MIPOL1: variants seen among roughly 807,000 people sequenced by gnomAD.
MIPOL1 encodes mirror-image polydactyly gene 1 protein.
Under a neutral mutation model 60.9 loss-of-function variants are expected in MIPOL1, and 57 were observed. That is an observed-to-expected ratio of 0.94 (90% CI 0.76 to 1.17). The LOEUF is 1.17. Ranked by LOEUF, MIPOL1 falls within the 50% of genes most tolerant of loss-of-function variation. MIPOL1 has a pLI of 0.00. For synonymous variants in MIPOL1, 179 were observed against 168.8 expected (o/e 1.06, Z -0.47); for missense variants, 551 against 511.6 (o/e 1.08, Z -0.74).
At chr14:37,219,554 A>T (rs1968381705) in intron 1 of MIPOL1, 1 of 152,100 alleles carries the variant, frequency 6.6e-6, no homozygotes, top group African/African-American at 2.4e-5. Flanking sequence ...GTTTTGTAGG[A>T]ACGAGGTCTC....
chr14:37,398,297 G>A (rs112410247), intron 10 of MIPOL1, among the ~76,000 whole-genome samples: 2,177 of 152,254 alleles, frequency 0.014, 41 homozygotes, highest in African/African-American at 0.046. Flanking sequence ...TCCCACTTCC[G>A]CAGTTGGGGC....
intron 12 of MIPOL1, among the ~76,000 whole-genome samples, chr14:37,514,339 A>C (rs1424641024): frequency 6.6e-6 from 1 of 152,136 alleles, no homozygotes; most frequent in African/African-American, 2.4e-5. Flanking sequence ...AAGATGTATA[A>C]AGTGATTTGA....
intron 10 of MIPOL1, among the ~76,000 whole-genome samples, chr14:37,382,332 G>A (rs930588061): frequency 2.0e-5 from 3 of 151,948 alleles, no homozygotes; most frequent in African/African-American, 7.2e-5. Context: ...TAAAACTTAA[G>A]CGTTCTTTCT....
At chr14:37,495,371 C>A (rs769220264) in intron 11 of MIPOL1, among the ~76,000 whole-genome samples, 2,033 of 146,410 alleles carry the variant, frequency 0.014, 21 homozygotes, top group Non-Finnish European at 0.023. Context: ...ATGAGTGAGA[C>A]TATGCGGTGT....
chr14:37,316,372 G>C (rs1477062750), intron 9 of MIPOL1, among the ~76,000 whole-genome samples: 2 of 152,028 alleles, frequency 1.3e-5, no homozygotes, highest in Non-Finnish European at 2.9e-5. Flanking sequence ...GTTCCCTTGA[G>C]TGGTGTGAAT....
intron 11 of MIPOL1, among the ~76,000 whole-genome samples, chr14:37,479,080 TA>T (rs1018167316): frequency 2.6e-5 from 4 of 152,168 alleles, no homozygotes; most frequent in South Asian, 2.1e-4. Flanking sequence ...TATACCACTT[TA>T]TTTTTTTTTG....
At chr14:37,351,059 T>G (rs1258285168) in intron 9 of MIPOL1, among the ~76,000 whole-genome samples, 4 of 7,378 alleles carry the variant, frequency 5.4e-4, no homozygotes, top group East Asian at 9.6e-3. Context: ...CCCTCCCCCC[T>G]CCCCCCACCC....
chr14:37,368,728 G>A (rs571079883), intron 9 of MIPOL1, among the ~76,000 whole-genome samples: 1 of 151,876 alleles, frequency 6.6e-6, no homozygotes, highest in African/African-American at 2.4e-5. Flanking sequence ...TATAGCCTGT[G>A]TAATTATTAT....
At chr14:37,209,871 T>G (rs1966657982) in intron 1 of MIPOL1, among the ~76,000 whole-genome samples, 1 of 151,550 alleles carries the variant, frequency 6.6e-6, no homozygotes, top group South Asian at 2.1e-4. Context: ...CTGGCTAATT[T>G]TTAACTTTTT....
chr14:37,269,429 A>C (rs567308856), intron 5 of MIPOL1, among the ~76,000 whole-genome samples: 1 of 151,148 alleles, frequency 6.6e-6, no homozygotes, highest in South Asian at 2.1e-4. Context: ...TTAATATTCT[A>C]GTTGTGTAAC....
At chr14:37,516,880 A>G (rs2095373176) in intron 12 of MIPOL1, among the ~76,000 whole-genome samples, 1 of 152,168 alleles carries the variant, frequency 6.6e-6, no homozygotes. Context: ...TTTATTATCC[A>G]AAATAAACTT....
chr14:37,502,149 C>T (rs1192297795), intron 12 of MIPOL1: 1 of 152,310 alleles, frequency 6.6e-6, no homozygotes, highest in Non-Finnish European at 1.5e-5. Flanking sequence ...CCTCTATGGA[C>T]TCCATCTCTG....
downstream of MIPOL1, chr14:37,551,390 ACTGT>A (rs1566808626): frequency 6.6e-6 from 1 of 152,174 alleles, no homozygotes; most frequent in Admixed American, 6.5e-5. Context: ...TCACTGTCAA[ACTGT>A]CTGACTTCCT....
At chr14:37,470,553 T>C (rs1400928520) in intron 11 of MIPOL1, among the ~76,000 whole-genome samples, 1 of 152,142 alleles carries the variant, frequency 6.6e-6, no homozygotes, top group Non-Finnish European at 1.5e-5. Context: ...CCTTTCGTCA[T>C]GCTTGTAAGT....
chr14:37,377,141 A>G lies in MIPOL1; in HGVS notation c.936+7517A>G, dbSNP rs138454252. Among the ~76,000 whole-genome samples, 1,080 of 152,254 alleles carry G rather than the reference A, an allele frequency of 7.1e-3. 53 individuals are homozygous for G. The highest frequency in any genetic ancestry group is 0.063 in the Admixed American group (969 of 15,268). ...GAAGGAGTCAGGACCTGAGTCAAACACTATTGACTTTATAACTCAACATTT... is the reference window on the plus strand; with the variant it reads ...GAAGGAGTCAGGACCTGAGTCAAACGCTATTGACTTTATAACTCAACATTT... On this transcript the variant is annotated intron_variant, in intron 10 of 12. Coordinates refer to ENST00000684589, the MANE Select transcript of MIPOL1 (RefSeq NM_001388067.1).
chr14:37,455,502 G>T (rs2153577983), intron 11 of MIPOL1, among the ~76,000 whole-genome samples: 1 of 152,020 alleles, frequency 6.6e-6, no homozygotes, highest in South Asian at 2.1e-4. Flanking sequence ...TTCATCTTTT[G>T]CTCTTGTCGT....
At chr14:37,384,285 A>G (rs1434372078) in intron 10 of MIPOL1, among the ~76,000 whole-genome samples, 1 of 151,826 alleles carries the variant, frequency 6.6e-6, no homozygotes, top group Non-Finnish European at 1.5e-5. Context: ...TTTATTATTG[A>G]TTGCTTCTGC....
intron 11 of MIPOL1, among the ~76,000 whole-genome samples, chr14:37,462,262 T>C (rs2153582606): frequency 6.6e-6 from 1 of 152,358 alleles, no homozygotes; most frequent in Middle Eastern, 3.4e-3. Context: ...GCCTGAGCTC[T>C]ACATTGGCCC....
intron 9 of MIPOL1, among the ~76,000 whole-genome samples, chr14:37,309,643 G>C (rs1445570888): frequency 6.6e-6 from 1 of 151,334 alleles, no homozygotes; most frequent in Non-Finnish European, 1.5e-5. Flanking sequence ...CTGACTACCA[G>C]CTGCTATCTT....
Sources: allele counts gnomAD v4.1 joint callset (sites outside exome capture counted in the v4.1 genomes callset), GRCh38; gene constraint gnomAD v4.1.1; transcripts MANE v1.5; gene names NCBI Gene and HGNC (gene_info 2026-07-23, HGNC 2026-07-21).